Variants in MRAP2 observed in about 807,000 individuals in gnomAD.
The protein encoded by MRAP2 is melanocortin 2 receptor accessory protein 2, also known as melanocortin-2 receptor accessory protein 2.
In MRAP2, 20 loss-of-function variants were observed where a neutral mutation model predicts 17.4. The observed-to-expected ratio is 1.15, with a 90% CI of 0.81 to 1.67. The LOEUF (loss-of-function observed/expected upper bound fraction) is 1.67, where lower values mean the gene tolerates loss of function less well. Among genes scored for constraint, MRAP2 ranks in the 40% most tolerant of loss-of-function variants. MRAP2 has a pLI of 0.00. For synonymous variants in MRAP2, 96 were observed against 88.4 expected, an observed-to-expected ratio of 1.09 and a Z score of -0.48; for missense variants, 238 against 240.0, an observed-to-expected ratio of 0.99 and a Z score of 0.05.
At chr6:84,098,756 T>C in the MRAP2 span, among the ~76,000 whole-genome samples, 3 of 152,302 alleles carry the variant, frequency 2.0e-5, no homozygotes, top group Admixed American at 1.3e-4. Flanking sequence ...AGTATATCTT[T>C]AGCAAAGTGC....
chr6:84,133,900 A>C, the MRAP2 span, among the ~76,000 whole-genome samples: 4 of 152,118 alleles, frequency 2.6e-5, no homozygotes, highest in African/African-American at 9.7e-5. Flanking sequence ...TGAACCTGGT[A>C]CCTCAGTTGG....
intron 1 of MRAP2, among the ~76,000 whole-genome samples, chr6:84,044,955 A>G (rs1041279508): frequency 6.6e-6 from 1 of 152,246 alleles, no homozygotes; most frequent in Non-Finnish European, 1.5e-5. Context: ...AGGATTCTGA[A>G]CATGCACAGA....
chr6:84,077,085 T>A (rs148211555), intron 3 of MRAP2, among the ~76,000 whole-genome samples: 27 of 152,252 alleles, frequency 1.8e-4, no homozygotes, highest in African/African-American at 6.0e-4. Context: ...TCTTTTAGGG[T>A]TGCAAAGATG....
the MRAP2 span, among the ~76,000 whole-genome samples, chr6:84,125,776 T>C: frequency 4.7e-4 from 72 of 152,216 alleles, no homozygotes; most frequent in African/African-American, 1.7e-3. Flanking sequence ...AAAACCTCAA[T>C]CTGGGACTTC....
At chr6:84,124,920 T>C in the MRAP2 span, 8 of 674,070 alleles carry the variant, frequency 1.2e-5, no homozygotes, top group Middle Eastern at 3.9e-4. Context: ...TCTTATTGGT[T>C]AAAGGCAATT....
chr6:84,055,636 G>T (rs78570198), intron 2 of MRAP2, among the ~76,000 whole-genome samples, 191 bp downstream of exon 2: 1 of 152,110 alleles, frequency 6.6e-6, no homozygotes, highest in Non-Finnish European at 1.5e-5. Flanking sequence ...GAGGGCCTTG[G>T]TGATTCTAAT....
At chr6:84,043,328 T>G (rs1321999322) in intron 1 of MRAP2, among the ~76,000 whole-genome samples, 1 of 152,172 alleles carries the variant, frequency 6.6e-6, no homozygotes, top group Non-Finnish European at 1.5e-5. Flanking sequence ...TTCTTGCTAC[T>G]AAAATGAGAG....
chr6:84,103,367 T>C, the MRAP2 span, among the ~76,000 whole-genome samples: 2 of 152,202 alleles, frequency 1.3e-5, no homozygotes, highest in African/African-American at 2.4e-5. Context: ...CCTGAGCCCC[T>C]ACTTTGTGTG....
intron 3 of MRAP2, among the ~76,000 whole-genome samples, chr6:84,086,929 G>A (rs1237400535): frequency 6.6e-6 from 1 of 152,222 alleles, no homozygotes; most frequent in Admixed American, 6.5e-5. Context: ...GTCACACTCA[G>A]CTGGTGCCAC....
chr6:84,109,990 C>A, the MRAP2 span, among the ~76,000 whole-genome samples: 1 of 152,232 alleles, frequency 6.6e-6, no homozygotes, highest in East Asian at 1.9e-4. Context: ...TTTGCTTTAT[C>A]CAGTCTAACA....
intron 3 of MRAP2, among the ~76,000 whole-genome samples, chr6:84,066,577 G>A (rs944273653): frequency 2.6e-5 from 4 of 152,048 alleles, no homozygotes; most frequent in East Asian, 1.9e-4. Flanking sequence ...GGGGAAGGAC[G>A]ATACAACATT....
chr6:84,066,346 G>C, intron 3 of MRAP2, among the ~76,000 whole-genome samples: 1 of 152,168 alleles, frequency 6.6e-6, no homozygotes, highest in East Asian at 1.9e-4. Context: ...CACAGTATAA[G>C]ATATGGCATT....
intron 1 of MRAP2, among the ~76,000 whole-genome samples, chr6:84,037,197 G>A (rs779289736): frequency 6.7e-6 from 1 of 149,702 alleles, no homozygotes; most frequent in Non-Finnish European, 1.5e-5. Context: ...TACAAACCTT[G>A]AGCTAGACAC....
At chr6:84,128,611 T>C in the MRAP2 span, among the ~76,000 whole-genome samples, 2 of 152,272 alleles carry the variant, frequency 1.3e-5, no homozygotes, top group East Asian at 3.9e-4. Flanking sequence ...GGAATAATAG[T>C]AGTAACTACT....
chr6:84,117,107 C>T, the MRAP2 span, among the ~76,000 whole-genome samples: 3 of 152,094 alleles, frequency 2.0e-5, no homozygotes, highest in Non-Finnish European at 2.9e-5. Flanking sequence ...ACTACAACCT[C>T]TGATACCGAG....
At chr6:84,102,262 A>T in the MRAP2 span, among the ~76,000 whole-genome samples, 1 of 152,188 alleles carries the variant, frequency 6.6e-6, no homozygotes, top group African/African-American at 2.4e-5. Context: ...TATGTTATTT[A>T]TTGGCAAAAG....
At chr6:84,036,664 G>A (rs1484420181) in intron 1 of MRAP2, among the ~76,000 whole-genome samples, 1 of 152,058 alleles carries the variant, frequency 6.6e-6, no homozygotes, top group Non-Finnish European at 1.5e-5. Context: ...AGTGTGGAAG[G>A]GGACCTGAGC....
At chr6:84,136,170 T>C in the MRAP2 span, among the ~76,000 whole-genome samples, 1 of 152,240 alleles carries the variant, frequency 6.6e-6, no homozygotes, top group Non-Finnish European at 1.5e-5. Flanking sequence ...GGATAACTAC[T>C]GGACAAAAAC....
At chr6:84,101,773 A>G in the MRAP2 span, among the ~76,000 whole-genome samples, 57 of 152,300 alleles carry the variant, frequency 3.7e-4, no homozygotes, top group Middle Eastern at 3.4e-3. Context: ...CAGAGATATC[A>G]AAACAAAAAA....
Sources: allele counts gnomAD v4.1 joint callset (sites outside exome capture counted in the v4.1 genomes callset), GRCh38; gene constraint gnomAD v4.1.1; transcripts MANE v1.5; gene names NCBI Gene and HGNC (gene_info 2026-07-23, HGNC 2026-07-21).